The following MAML3 variants were observed in gnomAD, a reference collection of about 807,000 sequenced individuals.
The protein encoded by MAML3 is mastermind like transcriptional coactivator 3.
Under a neutral mutation model 101.9 loss-of-function variants are expected in MAML3, and 27 were observed. The observed-to-expected ratio is 0.27, with a 90% CI of 0.20 to 0.37. MAML3 has a LOEUF of 0.37. Ranked by LOEUF, MAML3 falls within the 10% of genes least tolerant of loss-of-function variation. MAML3 has a pLI of 1.00. For synonymous variants in MAML3, 501 were observed against 555.9 expected (o/e 0.90, Z 1.39); for missense variants, 1,316 against 1,444.9 (o/e 0.91, Z 1.45).
At chr4:139,915,069 A>G (rs549795637) in intron 1 of MAML3, among the ~76,000 whole-genome samples, 1 of 152,248 alleles carries the variant, frequency 6.6e-6, no homozygotes, top group Non-Finnish European at 1.5e-5. Context: ...CGGGAGGCTT[A>G]TATTTACTGA....
intron 1 of MAML3, among the ~76,000 whole-genome samples, chr4:140,055,370 G>C (rs7688659): frequency 0.21 from 32,006 of 152,132 alleles, 3,557 homozygotes; most frequent in Middle Eastern, 0.24. Flanking sequence ...AAAAATCCCA[G>C]AGCAGTGAGA....
At chr4:140,023,551 G>A (rs1272971293) in intron 1 of MAML3, among the ~76,000 whole-genome samples, 2 of 152,194 alleles carry the variant, frequency 1.3e-5, no homozygotes, top group African/African-American at 4.8e-5. Flanking sequence ...GGGGATATGT[G>A]GAGGGAGGAA....
chr4:139,861,477 ATGTG>A (rs55851938), intron 2 of MAML3, among the ~76,000 whole-genome samples: 49 of 146,488 alleles, frequency 3.3e-4, no homozygotes, highest in East Asian at 2.8e-3. Context: ...TAACCAGCCG[ATGTG>A]TGTGTGTGTG....
chr4:139,732,279 C>T (rs1386904816), intron 2 of MAML3, among the ~76,000 whole-genome samples: 1 of 152,166 alleles, frequency 6.6e-6, no homozygotes, highest in Non-Finnish European at 1.5e-5. Context: ...CCTAGAGAGA[C>T]CGTCCTGGAT....
chr4:139,970,251 T>C (rs1042808261), intron 1 of MAML3, among the ~76,000 whole-genome samples: 1 of 152,084 alleles, frequency 6.6e-6, no homozygotes, highest in East Asian at 1.9e-4. Flanking sequence ...AGCATTTGAG[T>C]AGAGCATTGG....
chr4:140,095,259 A>G (rs1354004144), intron 1 of MAML3, among the ~76,000 whole-genome samples: 2 of 152,058 alleles, frequency 1.3e-5, no homozygotes, highest in Non-Finnish European at 2.9e-5. Flanking sequence ...GCTCTCCCCA[A>G]CTTTCACAGA....
At chr4:139,796,842 A>G (rs938712691) in intron 2 of MAML3, among the ~76,000 whole-genome samples, 2 of 152,052 alleles carry the variant, frequency 1.3e-5, no homozygotes, top group African/African-American at 4.8e-5. Flanking sequence ...GGAATACAGC[A>G]AGAATGAATG....
intron 1 of MAML3, among the ~76,000 whole-genome samples, chr4:140,024,165 A>C (rs1484691904): frequency 6.6e-6 from 1 of 152,200 alleles, no homozygotes; most frequent in Non-Finnish European, 1.5e-5. Flanking sequence ...AGATAGGATA[A>C]GTAACTTGCC....
At chr4:139,959,736 T>C (rs973287094) in intron 1 of MAML3, among the ~76,000 whole-genome samples, 5 of 152,202 alleles carry the variant, frequency 3.3e-5, no homozygotes, top group African/African-American at 1.2e-4. Context: ...ATTTCTTCCA[T>C]GCTGCTAGTG....
intron 1 of MAML3, among the ~76,000 whole-genome samples, chr4:140,129,691 G>T (rs1010230522): frequency 6.6e-6 from 1 of 152,146 alleles, no homozygotes; most frequent in Admixed American, 6.5e-5. Context: ...AAACGGCCGG[G>T]CGCGGTGGCT....
chr4:139,747,262 GGC>G (rs1729354723), intron 2 of MAML3, among the ~76,000 whole-genome samples: 1 of 152,218 alleles, frequency 6.6e-6, no homozygotes, highest in Non-Finnish European at 1.5e-5. Context: ...GAGAGTTTGT[GGC>G]GCCGGTGGGA....
intron 1 of MAML3, among the ~76,000 whole-genome samples, chr4:140,056,638 C>T (rs2110930643): frequency 6.6e-6 from 1 of 152,034 alleles, no homozygotes; most frequent in African/African-American, 2.4e-5. Flanking sequence ...GAAACCCTGT[C>T]TCTACTAAAA....
chr4:140,032,928 T>C (rs561646809), intron 1 of MAML3, among the ~76,000 whole-genome samples: 1 of 151,922 alleles, frequency 6.6e-6, no homozygotes, highest in South Asian at 2.1e-4. Flanking sequence ...CTGCTTATCC[T>C]TCAAGAAAAT....
chr4:140,074,591 G>A lies in MAML3; in HGVS notation c.468+78269C>T, dbSNP rs138665463. On this transcript the variant is annotated intron_variant, in intron 1 of 4. Transcript: ENST00000509479. ...AAGCACACAACATGCAGTCTATTCCGCATCCCAGCTCTTCTGGTGATGCTA... is the reference window on the plus strand; with the variant it reads ...AAGCACACAACATGCAGTCTATTCCACATCCCAGCTCTTCTGGTGATGCTA... Among the ~76,000 whole-genome samples, 802 of 152,218 alleles carry A rather than the reference G, an allele frequency of 5.3e-3. 9 individuals are homozygous for A. The highest frequency in any genetic ancestry group is 0.018 in the African/African-American group (763 of 41,536).
At chr4:140,150,492 G>A (rs1402555801) in intron 1 of MAML3, among the ~76,000 whole-genome samples, 1 of 152,180 alleles carries the variant, frequency 6.6e-6, no homozygotes, top group Admixed American at 6.5e-5. Flanking sequence ...ACTGGGAACG[G>A]CACTGGCTTT....
At chr4:140,128,670 G>C (rs569883073) in intron 1 of MAML3, among the ~76,000 whole-genome samples, 1 of 152,206 alleles carries the variant, frequency 6.6e-6, no homozygotes, top group Non-Finnish European at 1.5e-5. Context: ...CTCTAGATGT[G>C]TGCTCAAGCC....
intron 1 of MAML3, among the ~76,000 whole-genome samples, chr4:139,912,917 A>G (rs2111225648): frequency 6.6e-6 from 1 of 152,290 alleles, no homozygotes; most frequent in Non-Finnish European, 1.5e-5. Context: ...AGTCTGTGGT[A>G]TTTGTTATGG....
At chr4:139,893,232 C>T (rs1400598311) in intron 1 of MAML3, among the ~76,000 whole-genome samples, 2 of 152,262 alleles carry the variant, frequency 1.3e-5, no homozygotes, top group Middle Eastern at 3.4e-3. Flanking sequence ...CTCCTCTTCC[C>T]CTGGGTAATA....
intron 1 of MAML3, among the ~76,000 whole-genome samples, chr4:139,965,063 A>G (rs963754907): frequency 6.6e-6 from 1 of 152,230 alleles, no homozygotes; most frequent in African/African-American, 2.4e-5. Context: ...TGTTTTAATA[A>G]TTAAATTACA....
Sources: allele counts gnomAD v4.1 joint callset (sites outside exome capture counted in the v4.1 genomes callset), GRCh38; gene constraint gnomAD v4.1.1; transcripts MANE v1.5; gene names NCBI Gene and HGNC (gene_info 2026-07-23, HGNC 2026-07-21).